Variants in PTPRD observed in about 807,000 individuals in gnomAD.
PTPRD encodes protein tyrosine phosphatase receptor type D, also known as receptor-type tyrosine-protein phosphatase delta.
Under a neutral mutation model 214.5 loss-of-function variants are expected in PTPRD, and 34 were observed. The ratio of observed to expected loss-of-function variants is 0.16; its 90% CI spans 0.12 to 0.21. PTPRD has a LOEUF of 0.21. PTPRD is among the 10% of genes least tolerant of loss of function. The pLI, the probability that PTPRD is intolerant of heterozygous loss-of-function variation, is 1.00. For synonymous variants in PTPRD, 1,128 were observed against 845.7 expected (o/e 1.33, Z -5.79); for missense variants, 2,545 against 2,398.7 (o/e 1.06, Z -1.27).
intron 9 of PTPRD, among the ~76,000 whole-genome samples, chr9:9,277,320 A>G (rs4563945): frequency 0.51 from 76,347 of 151,056 alleles, 19,568 homozygotes; most frequent in Non-Finnish European, 0.53. Flanking sequence ...CATTTTTAGG[A>G]AGCTTCATAT....
rs551784031 is a variant in PTPRD, at chr9:9,766,886, C to T, written c.-367-35G>A. The T allele has an allele frequency of 3.3e-5, 5 of 152,410 alleles. No individual in the cohort carries two copies. In the East Asian group the frequency reaches 7.7e-4, roughly 24 times the overall value. 9.4% of individuals were successfully genotyped at this position (152,410 alleles called of 1,614,324 possible). A position where few individuals can be genotyped will look rare whatever the true frequency, so the allele number is the denominator to read the frequency against. On this transcript the variant is annotated intron_variant, in intron 5 of 45. Transcript: ENST00000381196. ...AAGAAAGAATATTTCTATTAATATA[C>T]TTAGTAAATGCATAGATTGAGAAAT... is the stretch of plus-strand genomic sequence containing the variant.
intron 26 of PTPRD, among the ~76,000 whole-genome samples, chr9:8,496,227 C>A (rs908672708): frequency 2.0e-5 from 3 of 151,506 alleles, no homozygotes; most frequent in African/African-American, 7.3e-5. Flanking sequence ...CACACACACA[C>A]ACACTTTTTC....
intron 35 of PTPRD, among the ~76,000 whole-genome samples, chr9:8,406,110 A>C (rs1564586660): frequency 1.3e-5 from 2 of 152,204 alleles, no homozygotes; most frequent in Admixed American, 1.3e-4. Context: ...TCAGGAAAAT[A>C]TTAATAATTA....
chr9:9,617,695 C>G (rs2094962437), intron 7 of PTPRD, among the ~76,000 whole-genome samples: 1 of 151,918 alleles, frequency 6.6e-6, no homozygotes, highest in African/African-American at 2.4e-5. Flanking sequence ...TGAAGTAGGG[C>G]CAGTGTAAGA....
At chr9:8,900,741 A>T (rs1439214426) in intron 11 of PTPRD, among the ~76,000 whole-genome samples, 1 of 152,226 alleles carries the variant, frequency 6.6e-6, no homozygotes, top group Admixed American at 6.5e-5. Flanking sequence ...GAATAAACCA[A>T]ATTAGCACTG....
chr9:8,670,910 G>A (rs996157241), intron 12 of PTPRD, among the ~76,000 whole-genome samples: 2 of 152,150 alleles, frequency 1.3e-5, no homozygotes, highest in Non-Finnish European at 2.9e-5. Context: ...GAGTTTTTCC[G>A]GAGGAAGACA....
At chr9:9,801,921 C>A (rs1271265874) in intron 5 of PTPRD, among the ~76,000 whole-genome samples, 3 of 151,948 alleles carry the variant, frequency 2.0e-5, no homozygotes, top group African/African-American at 7.2e-5. Flanking sequence ...ATAATGATAA[C>A]AAATAAAGGT....
chr9:9,840,954 A>T (rs2058185111), intron 5 of PTPRD, among the ~76,000 whole-genome samples: 1 of 152,038 alleles, frequency 6.6e-6, no homozygotes, highest in South Asian at 2.1e-4. Context: ...TGGACAATAA[A>T]CTGTGAGTGA....
At chr9:9,505,137 T>C (rs1192645924) in intron 8 of PTPRD, among the ~76,000 whole-genome samples, 5 of 151,656 alleles carry the variant, frequency 3.3e-5, no homozygotes, top group African/African-American at 9.7e-5. Flanking sequence ...TTTCCTTTGA[T>C]ATAGGTATTT....
In PTPRD at chr9:9,599,568, T is replaced by A. The variant is rs564246588; in HGVS notation, c.-286-24787A>T. The stretch of plus-strand genomic sequence containing the variant: ...CATTCTATTCTTCAGGTATCTTAAT[T>A]TCTTTGTTTTCATATATTTATCTTT... On this transcript the variant is annotated intron_variant, in intron 7 of 45. Coordinates refer to ENST00000381196, the MANE Select transcript of PTPRD (RefSeq NM_002839.4). Among the ~76,000 whole-genome samples the A allele has an allele frequency of 5.9e-5, 9 of 152,230 alleles. 1 individual carries two copies. In the South Asian group the frequency reaches 1.9e-3, roughly 32 times the overall value.
chr9:9,035,006 A>G (rs897509670), intron 10 of PTPRD, among the ~76,000 whole-genome samples: 1 of 152,086 alleles, frequency 6.6e-6, no homozygotes, highest in Non-Finnish European at 1.5e-5. Flanking sequence ...GGGGACCTGT[A>G]AGAGAACTAA....
At chr9:9,597,864 C>T (rs562707966) in intron 7 of PTPRD, among the ~76,000 whole-genome samples, 4 of 151,884 alleles carry the variant, frequency 2.6e-5, no homozygotes, top group African/African-American at 4.8e-5. Context: ...ATGGAGTATG[C>T]GAAATCCTAA....
intron 5 of PTPRD, among the ~76,000 whole-genome samples, chr9:9,893,236 A>G (rs1458485009): frequency 6.6e-6 from 1 of 151,758 alleles, no homozygotes; most frequent in African/African-American, 2.4e-5. Context: ...CAAAATAAGC[A>G]GCTAGTATCA....
At chr9:9,147,957 T>A (rs1416829852) in intron 10 of PTPRD, among the ~76,000 whole-genome samples, 2 of 152,182 alleles carry the variant, frequency 1.3e-5, no homozygotes, top group African/African-American at 4.8e-5. Context: ...TTCAGCTGAG[T>A]CTGATGCATG....
At chr9:9,609,772 C>A (rs1026856368) in intron 7 of PTPRD, among the ~76,000 whole-genome samples, 1 of 152,116 alleles carries the variant, frequency 6.6e-6, no homozygotes, top group Non-Finnish European at 1.5e-5. Flanking sequence ...ACAATGTGAA[C>A]TTTCATAAGC....
intron 36 of PTPRD, among the ~76,000 whole-genome samples, chr9:8,390,664 T>G (rs2089207405): frequency 6.6e-6 from 1 of 152,212 alleles, no homozygotes; most frequent in Non-Finnish European, 1.5e-5. Flanking sequence ...AGATGTAATT[T>G]AATGTAGATA....
intron 3 of PTPRD, among the ~76,000 whole-genome samples, chr9:10,230,917 C>G (rs1402124282): frequency 1.3e-5 from 2 of 151,928 alleles, no homozygotes; most frequent in Non-Finnish European, 2.9e-5. Flanking sequence ...GCTAATAACT[C>G]TAGGCTATCA....
At chr9:9,535,527 G>C (rs901965677) in intron 8 of PTPRD, among the ~76,000 whole-genome samples, 2 of 152,046 alleles carry the variant, frequency 1.3e-5, no homozygotes, top group Non-Finnish European at 2.9e-5. Context: ...CCAGAGGGGA[G>C]GGAGCTTTGA....
intron 30 of PTPRD, 100 bp downstream of exon 30, chr9:8,484,019 T>C (rs2096946243): frequency 2.8e-6 from 4 of 1,433,696 alleles, no homozygotes; most frequent in African/African-American, 1.4e-5. Context: ...TTTCACTACA[T>C]TAAGCAGTAT....
Sources: gnomAD v4.1 joint callset for allele counts (sites outside exome capture counted in the v4.1 genomes callset) on GRCh38, gnomAD v4.1.1 for gene constraint, MANE v1.5 for transcripts, NCBI Gene and HGNC (gene_info 2026-07-23, HGNC 2026-07-21) for gene names.